CCDC30: variants seen among roughly 807,000 people sequenced by gnomAD.
CCDC30 encodes coiled-coil domain containing 30.
A neutral mutation model predicts 100.2 loss-of-function variants in CCDC30; 70 were observed. The ratio of observed to expected loss-of-function variants is 0.70; its 90% CI spans 0.58 to 0.85. CCDC30 has a LOEUF of 0.85. CCDC30 is among the 40% of genes least tolerant of loss of function. The pLI is 0.00. For missense variants in CCDC30, 652 were observed against 771.2 expected, an observed-to-expected ratio of 0.85 and a Z score of 1.83; for synonymous variants, 233 against 269.5, an observed-to-expected ratio of 0.86 and a Z score of 1.33.
At chr1:42,520,454 C>T (rs1442456480) in intron 6 of CCDC30, among the ~76,000 whole-genome samples, 4 of 151,406 alleles carry the variant, frequency 2.6e-5, no homozygotes, top group Non-Finnish European at 5.9e-5. Flanking sequence ...GCCTCAGCCT[C>T]CTGAGTAGCT....
chr1:42,584,725 G>A (rs2809658), intron 9 of CCDC30, among the ~76,000 whole-genome samples: 91,454 of 152,058 alleles, frequency 0.6, 27,980 homozygotes, highest in East Asian at 0.81. Context: ...AGAACAAAAC[G>A]TTTAGAGACA....
intron 1 of CCDC30, among the ~76,000 whole-genome samples, chr1:42,471,723 A>G (rs1298213458): frequency 1.3e-5 from 2 of 152,168 alleles, no homozygotes; most frequent in Non-Finnish European, 2.9e-5. Flanking sequence ...TATGTCATGA[A>G]GAGGACCTAC....
At chr1:42,465,038 T>A (rs1247867478) in intron 1 of CCDC30, among the ~76,000 whole-genome samples, 1 of 152,226 alleles carries the variant, frequency 6.6e-6, no homozygotes, top group Non-Finnish European at 1.5e-5. Flanking sequence ...GATGCTATAT[T>A]GTAAGGGGCT....
intron 11 of CCDC30, among the ~76,000 whole-genome samples, chr1:42,634,155 T>C (rs903739232): frequency 1.4e-5 from 2 of 147,884 alleles, no homozygotes; most frequent in Non-Finnish European, 3.0e-5. Context: ...ACCGTATCAA[T>C]AGTGATGCAC....
chr1:42,552,693 C>T (rs1645278294), intron 6 of CCDC30, among the ~76,000 whole-genome samples: 1 of 152,120 alleles, frequency 6.6e-6, no homozygotes, highest in Non-Finnish European at 1.5e-5. Flanking sequence ...CTCCAGTAGC[C>T]TCCACTTACA....
At chr1:42,550,494 G>C (rs1341065325) in intron 6 of CCDC30, among the ~76,000 whole-genome samples, 3 of 152,034 alleles carry the variant, frequency 2.0e-5, no homozygotes, top group African/African-American at 7.2e-5. Context: ...TCCTCATCTT[G>C]CTGCCTTTTA....
intron 6 of CCDC30, among the ~76,000 whole-genome samples, chr1:42,508,294 C>G (rs1016162492): frequency 6.6e-6 from 1 of 152,154 alleles, no homozygotes; most frequent in Non-Finnish European, 1.5e-5. Context: ...GCTTCTACCA[C>G]GCATCTCATT....
chr1:42,537,167 C>T (rs1026914153), intron 6 of CCDC30: 10 of 455,720 alleles, frequency 2.2e-5, no homozygotes, highest in African/African-American at 4.0e-5. Flanking sequence ...ATTTAGCAGA[C>T]GTTTGATTGT....
upstream of CCDC30, among the ~76,000 whole-genome samples, chr1:42,461,175 A>C (rs1308910930): frequency 6.6e-6 from 1 of 152,236 alleles, no homozygotes; most frequent in Non-Finnish European, 1.5e-5. Flanking sequence ...AGGGAAGGGT[A>C]GCCCCTGTGT....
At chr1:42,480,039 T>C (rs1643933444) in intron 1 of CCDC30, among the ~76,000 whole-genome samples, 1 of 152,130 alleles carries the variant, frequency 6.6e-6, no homozygotes, top group South Asian at 2.1e-4. Flanking sequence ...TGGCTAGGCT[T>C]TTTTGGGGCT....
chr1:42,629,638 C>CT (rs531848847), intron 11 of CCDC30, among the ~76,000 whole-genome samples: 1,929 of 146,700 alleles, frequency 0.013, 19 homozygotes, highest in Non-Finnish European at 0.019. Flanking sequence ...TTTTTCTTTT[C>CT]TTTTTTTTTT....
exon 13 of CCDC30, chr1:42,642,601 C>A: frequency 6.3e-7 from 1 of 1,588,720 alleles, no homozygotes; most frequent in Admixed American, 1.8e-5. Context: ...TATCTTCCAT[C>A]CAGAGCAGGT....
At chr1:42,551,418 A>G (rs1174707656) in intron 6 of CCDC30, among the ~76,000 whole-genome samples, 2 of 152,194 alleles carry the variant, frequency 1.3e-5, no homozygotes, top group African/African-American at 2.4e-5. Context: ...AGGTGTTTCA[A>G]TAAGAACTAG....
intron 11 of CCDC30, among the ~76,000 whole-genome samples, chr1:42,636,253 A>G (rs1015223326): frequency 6.6e-6 from 1 of 152,094 alleles, no homozygotes; most frequent in African/African-American, 2.4e-5. Flanking sequence ...ACCCATCTCT[A>G]CAAAAAATTA....
Position 42,651,250 on chromosome 1 carries a change from A to T in CCDC30, c.1855-2126A>T, listed in dbSNP as rs150415586. On this transcript the variant is annotated intron_variant, in intron 15 of 16. Transcript: ENST00000668663. The stretch of plus-strand genomic sequence containing the variant: ...AATGGGATGGGATTATATCAAACTA[A>T]AAAGCTTCTGCACAGCAAAAGAAAC... Among the ~76,000 whole-genome samples the T allele has an allele frequency of 4.0e-3, 603 of 152,280 alleles. 3 individuals carry two copies. The highest frequency in any genetic ancestry group is 0.014 in the African/African-American group (575 of 41,558).
chr1:42,510,210 C>G (rs1460597200), intron 6 of CCDC30: 1 of 702,288 alleles, frequency 1.4e-6, no homozygotes, highest in Non-Finnish European at 1.8e-6. Flanking sequence ...TCTTTACTCT[C>G]TCTATTTTCT....
chr1:42,599,704 A>G lies in CCDC30; in HGVS notation c.1164+10221A>G, dbSNP rs1034811558. ...AAAGACACATGTAAATTAAAAGTAA[A>G]TGGATGGAGAAGGATGTAACATGCT... On this transcript the variant is annotated intron_variant, in intron 10 of 16. Transcript: ENST00000668663. Among the ~76,000 whole-genome samples, 11 of 152,334 alleles carry G rather than the reference A, an allele frequency of 7.2e-5. No homozygotes were observed. In the East Asian group the frequency reaches 2.1e-3, roughly 29 times the overall value.
chr1:42,584,851 T>G (rs1646037719), intron 9 of CCDC30, among the ~76,000 whole-genome samples: 1 of 152,216 alleles, frequency 6.6e-6, no homozygotes. Context: ...GTGGTTTTCC[T>G]ATCATATAAT....
At chr1:42,646,002 GAAGAT>G (rs1647850899) in intron 14 of CCDC30, 128 bp from the exon 19 acceptor site, 1 of 1,211,534 alleles carries the variant, frequency 8.3e-7, no homozygotes, top group Non-Finnish European at 1.1e-6. Context: ...AACCTTGAAT[GAAGAT>G]AAGAATGGTC....
Sources: allele counts gnomAD v4.1 joint callset (sites outside exome capture counted in the v4.1 genomes callset), GRCh38; gene constraint gnomAD v4.1.1; transcripts MANE v1.5; gene names NCBI Gene and HGNC (gene_info 2026-07-23, HGNC 2026-07-21).